The following RFX1 variants were observed in gnomAD, a reference collection of about 807,000 sequenced individuals.
The protein encoded by RFX1 is MHC class II regulatory factor RFX1.
RFX1 carries 42 observed loss-of-function variants against 119.6 expected under a neutral mutation model. The ratio of observed to expected loss-of-function variants is 0.35; its 90% CI spans 0.27 to 0.45. The LOEUF is 0.45. Among genes scored for constraint, RFX1 ranks in the 20% least tolerant of loss-of-function variants. The probability of loss-of-function intolerance (pLI) is 1.00; values close to 1 mark genes in which losing one functional copy is unlikely to be tolerated. For synonymous variants in RFX1, 628 were observed against 618.5 expected (o/e 1.02, Z -0.23); for missense variants, 1,118 against 1,368.1 (o/e 0.82, Z 2.88).
In RFX1 at chr19:13,985,808, G is replaced by A. The variant is rs1395940200; in HGVS notation, c.320-2213C>T. ...CAGGAGGGAGAGGGGCCTGGACAGG[G>A]CAGGAGGGCTATTCAGGGCAGATGC... On this transcript the variant is annotated intron_variant, in intron 2 of 20. Coordinates refer to ENST00000254325, the MANE Select transcript of RFX1 (RefSeq NM_002918.5). This position sits in a 1 kb window ranked among gnomAD's most constrained non-coding sequence, Gnocchi z 4.3. Among the ~76,000 whole-genome samples, 1 of 152,206 alleles carries A rather than the reference G, an allele frequency of 6.6e-6. No homozygotes were observed. Among genetic ancestry groups the A allele is most frequent in the East Asian group, 1.9e-4 (1 of 5,194 alleles).
rs1030127803 is a variant in RFX1 at position 13,966,319 on chromosome 19, C to T, written c.1961+102G>A. On this transcript the variant is annotated intron_variant, in intron 14 of 20. Coordinates refer to ENST00000254325, the MANE Select transcript of RFX1 (RefSeq NM_002918.5). This position sits in a 1 kb window ranked among gnomAD's most constrained non-coding sequence, Gnocchi z 6.3. ...GCCAAGGATATGTGTACCCCACAAA[C>T]TGCAGGGGACAAGCAGGTGCCCCAA... 22 of 704,986 alleles carry T rather than the reference C, an allele frequency of 3.1e-5. No individual in the cohort carries two copies. The highest frequency in any genetic ancestry group is 6.8e-5 in the Admixed American group (3 of 44,166). The allele number at this position is 704,986 out of a possible 1,614,324, so 43.7% of individuals were successfully genotyped here.
In RFX1 at chr19:13,963,555, G is replaced by C; in HGVS notation, c.2553C>G (p.Leu851=). The C allele has an allele frequency of 6.2e-7, 1 of 1,604,392 alleles. No individual in the cohort carries two copies. The highest frequency in any genetic ancestry group is 1.1e-5 in the South Asian group (1 of 90,962). The part of the protein sequence containing the change: ...GFPKAAKLFL[L]KWSFYSSMVI... ...GCGCGCACCTGTAGAAGGACCACTT[G>C]AGGAGGAAGAGCTTGGCGGCCTTGG... Residue 851 remains leucine (L), a synonymous_variant, in exon 18 of 21, where the codon CTC becomes CTG. Coordinates refer to ENST00000254325, the MANE Select transcript of RFX1 (RefSeq NM_002918.5).
rs757163093 is a variant in RFX1, at chr19:13,978,003, C to T, written c.918G>A (p.Thr306=). The T allele has an allele frequency of 4.1e-5, 66 of 1,612,702 alleles. No individual in the cohort carries two copies. The highest frequency in any genetic ancestry group is 5.0e-5 in the Non-Finnish European group (59 of 1,179,280). The change falls in exon 8 of 21, where the codon ACG becomes ACA. Residue 306 remains threonine (T), a synonymous_variant. Transcript: ENST00000254325. ...CTCCCTTCACTTACATGGCACTGGC[C>T]GTGTAGCTGGCATCGCCGCCCTCCA... ...QYVEGGDASY[T]ASAIRSSTYS... is the part of the protein sequence containing the mutation.
chr19:13,997,775 C>T (rs896307796), intron 1 of RFX1, among the ~76,000 whole-genome samples: 4 of 152,144 alleles, frequency 2.6e-5, no homozygotes, highest in African/African-American at 9.6e-5. Flanking sequence ...TGGAGGCAGG[C>T]AGGATGAGAA....
Position 13,965,577 on chromosome 19 carries a change from A to T in RFX1, c.2114-31T>A, listed in dbSNP as rs1973867959. The T allele has an allele frequency of 8.0e-6, 12 of 1,490,990 alleles. No individual in the cohort carries two copies. The highest frequency in any genetic ancestry group is 1.4e-5 in the African/African-American group (1 of 70,392). 92.4% of individuals were successfully genotyped at this position (1,490,990 alleles called of 1,614,324 possible). A position where few individuals can be genotyped will look rare whatever the true frequency, so the allele number is the denominator to read the frequency against. On this transcript the variant is annotated intron_variant, in intron 15 of 20. Transcript: ENST00000254325. The surrounding 1 kb of genome is among the most constrained non-coding windows in gnomAD (Gnocchi z 4.7). The stretch of plus-strand genomic sequence containing the variant: ...GGCGGTGGCGGGGGTCGGTCAGGGC[A>T]GGGCGGGTGTATGTGGGGCAGGGGA...
chr19:13,974,083 G>A (rs563042034), intron 8 of RFX1, among the ~76,000 whole-genome samples: 3 of 152,278 alleles, frequency 2.0e-5, no homozygotes, highest in South Asian at 4.1e-4. Flanking sequence ...ACACAGCAAT[G>A]GACAAGAATG....
intron 2 of RFX1, among the ~76,000 whole-genome samples, chr19:13,987,033 A>C (rs924581649): frequency 6.6e-6 from 1 of 152,054 alleles, no homozygotes; most frequent in African/African-American, 2.4e-5. Context: ...TGTGCTTGGG[A>C]ATGCTGACAA....
intron 1 of RFX1, among the ~76,000 whole-genome samples, chr19:14,004,663 G>C (rs1043762883): frequency 6.6e-6 from 1 of 152,096 alleles, no homozygotes; most frequent in Non-Finnish European, 1.5e-5. Flanking sequence ...GAGAAGTTAG[G>C]ACCCGCCAAC....
chr19:13,962,862 C>G lies in RFX1; in HGVS notation c.2773G>C (p.Glu925Gln). The change falls in exon 21 of 21, where the codon GAG becomes CAG. Residue 925 changes from glutamate (E) to glutamine (Q), a missense_variant and splice_region_variant. Physicochemically the swap from Glu to Gln is conservative, Grantham distance 29. Around this residue, in one of 5 missense-constraint regions of RFX1, gnomAD observed 138 missense variants for 117.8 expected, o/e 1.17. Transcript: ENST00000254325. ...CTCTCCTCCTCCTCTTCTTCCTCCT[C>G]GTCTGGAACACAGGGACCAAGTCCG... ...SLNPLDPDKDEEEEEEEESED... is the reference protein window; with the variant it reads ...SLNPLDPDKDQEEEEEEESED... The G allele has an allele frequency of 1.3e-6, 2 of 1,529,296 alleles. No individual in the cohort carries two copies. The highest frequency in any genetic ancestry group is 1.8e-6 in the Non-Finnish European group (2 of 1,138,826). The allele number at this position is 1,529,296 out of a possible 1,614,324, so 94.7% of individuals were successfully genotyped here.
intron 4 of RFX1, 43 bp from the exon 5 acceptor site, chr19:13,982,271 G>A (rs776005593): frequency 8.7e-6 from 10 of 1,146,970 alleles, no homozygotes; most frequent in Non-Finnish European, 1.1e-5. Flanking sequence ...ACTGATGACA[G>A]CCCGTGCAGT....
At chr19:13,975,489 G>A (rs1459347030) in intron 8 of RFX1, among the ~76,000 whole-genome samples, 1 of 152,140 alleles carries the variant, frequency 6.6e-6, no homozygotes, top group Non-Finnish European at 1.5e-5. Flanking sequence ...TGAACAAAGA[G>A]AGGGAGTTGA....
chr19:14,000,323 T>A (rs1362462334), intron 1 of RFX1, among the ~76,000 whole-genome samples: 1 of 152,044 alleles, frequency 6.6e-6, no homozygotes, highest in Non-Finnish European at 1.5e-5. Context: ...CCGTCTCTAC[T>A]AAAAATACAA....
At chr19:13,992,106 C>T (rs1338574110) in intron 2 of RFX1, among the ~76,000 whole-genome samples, 3 of 152,244 alleles carry the variant, frequency 2.0e-5, no homozygotes, top group South Asian at 2.1e-4. Flanking sequence ...AGCTTTGATC[C>T]GGGCTCCCAC....
rs769307518 is a variant in RFX1 at position 13,963,852 on chromosome 19, G to T, written c.2361+6C>A. On this transcript the variant is annotated splice_donor_region_variant and intron_variant, in intron 17 of 20. Coordinates refer to ENST00000254325, the MANE Select transcript of RFX1 (RefSeq NM_002918.5). ...ATTCGCCCGCCCCGCCCCGCCCCGC[G>T]CTCACCTGCACGTTGGCGAAGTCCA... 6.8e-7 allele frequency: 1 copy of T among 1,477,852 alleles called. No homozygotes were observed. The highest frequency in any genetic ancestry group is 1.2e-5 in the South Asian group (1 of 80,108). 91.5% of individuals were successfully genotyped at this position (1,477,852 alleles called of 1,614,324 possible).
chr19:13,996,441 C>T (rs1975022751), intron 1 of RFX1, among the ~76,000 whole-genome samples: 1 of 152,244 alleles, frequency 6.6e-6, no homozygotes, highest in Non-Finnish European at 1.5e-5. Flanking sequence ...CCTCCAGCCG[C>T]AGGGTGACCC....
In RFX1 at chr19:13,986,016, G is replaced by T. The variant is rs1018532399; in HGVS notation, c.320-2421C>A. Reference sequence around the variant, plus strand: ...CCACAGGCCCTAATCCCTGTGTTTTGCTGGAATCTTCCCTGGCATCTGCTT... The same window carrying T: ...CCACAGGCCCTAATCCCTGTGTTTTTCTGGAATCTTCCCTGGCATCTGCTT... On this transcript the variant is annotated intron_variant, in intron 2 of 20. Coordinates refer to ENST00000254325, the MANE Select transcript of RFX1 (RefSeq NM_002918.5). This position sits in a 1 kb window ranked among gnomAD's most constrained non-coding sequence, Gnocchi z 4.2. Among the ~76,000 whole-genome samples the T allele has an allele frequency of 6.6e-6, 1 of 152,174 alleles. No homozygotes were observed. Among genetic ancestry groups the T allele is most frequent in the African/African-American group, 2.4e-5 (1 of 41,438 alleles).
At chr19:14,005,116 G>T (rs925196327) in intron 1 of RFX1, among the ~76,000 whole-genome samples, 2 of 152,312 alleles carry the variant, frequency 1.3e-5, no homozygotes, top group Admixed American at 1.3e-4. Context: ...ACCTCGATGG[G>T]CAGGACCCAG....
rs143674025 is a variant in RFX1 at position 14,003,878 on chromosome 19, C to T, written c.-53+2225G>A. On this transcript the variant is annotated intron_variant, in intron 1 of 20. Transcript: ENST00000254325. Reference sequence around the variant, plus strand: ...TGGTGACTGAGGCAGTCAACATGACCAGATAATTGGTAACATCACTTTCTG... The same window carrying T: ...TGGTGACTGAGGCAGTCAACATGACTAGATAATTGGTAACATCACTTTCTG... Among the ~76,000 whole-genome samples the T allele has an allele frequency of 6.0e-4, 92 of 152,152 alleles. 1 individual carries two copies. The East Asian group carries it at 7.7e-3, about 13-fold the overall frequency.
rs1973976204 is a variant in RFX1, at chr19:13,968,573, T to C, written c.1724A>G (p.Gln575Arg). ...GGCCAGGGAGCTCTCACCCAAAAAT[T>C]GCTGGTACTGCTGCACCTGGGCGCT... is the stretch of plus-strand genomic sequence containing the variant. ...DISAQVQQYQ[Q>R]FLDASRSLPD... Residue 575 changes from glutamine (Q) to arginine (R), a missense_variant, in exon 12 of 21, where the codon CAA (glutamine) becomes CGA (arginine). By Grantham distance (43) the Gln-to-Arg change is conservative (BLOSUM62 1). Around this residue, in one of 5 missense-constraint regions of RFX1, gnomAD observed 338 missense variants for 508.9 expected, o/e 0.66. Transcript: ENST00000254325. The surrounding 1 kb of genome is among the most constrained non-coding windows in gnomAD (Gnocchi z 5.5). 1.4e-5 allele frequency: 23 copies of C among 1,613,002 alleles called. No individual in the cohort carries two copies. The highest frequency in any genetic ancestry group is 1.9e-5 in the Non-Finnish European group (23 of 1,179,636).
Sources: allele counts gnomAD v4.1 joint callset (sites outside exome capture counted in the v4.1 genomes callset), GRCh38; gene constraint gnomAD v4.1.1; regional missense constraint gnomAD v4.1.1; non-coding constraint Gnocchi (gnomAD v3.1); transcripts MANE v1.5; gene names NCBI Gene and HGNC (gene_info 2026-07-23, HGNC 2026-07-21).